The following CDK5RAP1 variants were observed in gnomAD, a reference collection of about 807,000 sequenced individuals.
CDK5RAP1 encodes CDK5RAP1 mitochondrial tRNA methylthiotransferase.
A neutral mutation model predicts 64.5 loss-of-function variants in CDK5RAP1; 62 were observed. The observed-to-expected ratio is 0.96, with a 90% CI of 0.78 to 1.19. The LOEUF (loss-of-function observed/expected upper bound fraction) is 1.19. Among genes scored for constraint, CDK5RAP1 ranks in the 50% most tolerant of loss-of-function variants. CDK5RAP1 has a pLI of 0.00. For missense variants in CDK5RAP1, 657 were observed against 735.0 expected, an observed-to-expected ratio of 0.89 and a Z score of 1.23; for synonymous variants, 250 against 261.9, an observed-to-expected ratio of 0.95 and a Z score of 0.44.
At chr20:33,401,337 A>G in intron 1 of CDK5RAP1, 91 bp downstream of exon 1, 2 of 928,364 alleles carry the variant, frequency 2.2e-6, no homozygotes, top group Non-Finnish European at 2.6e-6. Context: ...CCTCTTGAAC[A>G]CCGTGCGCTT....
intron 12 of CDK5RAP1, among the ~76,000 whole-genome samples, chr20:33,361,399 T>C (rs1414101094): frequency 2.6e-5 from 4 of 152,226 alleles, no homozygotes; most frequent in African/African-American, 9.6e-5. Context: ...GAGTCTTCAC[T>C]GAACACTAAC....
chr20:33,389,481 C>T (rs927004157), intron 5 of CDK5RAP1, among the ~76,000 whole-genome samples: 3 of 151,734 alleles, frequency 2.0e-5, no homozygotes, highest in Non-Finnish European at 2.9e-5. Flanking sequence ...CCGCCCCGTC[C>T]GGGAGGGAGG....
At position 33,395,123 on chromosome 20, in the gene CDK5RAP1, TGA is replaced by T; in HGVS notation, c.305-9_305-8del. 6.4e-7 allele frequency: 1 copy of T among 1,561,830 alleles called. No homozygotes were observed. Among genetic ancestry groups the T allele is most frequent in the East Asian group, 2.2e-5 (1 of 44,640 alleles). ...CCATAGGTCTCGAGGTAGACTGCAG[TGA>T]GAGGTTGGGGGGAATCCATGGTAGA... On this transcript the variant is annotated splice_region_variant and splice_polypyrimidine_tract_variant and intron_variant, in intron 2 of 13. Transcript: ENST00000346416.
At position 33,370,364 on chromosome 20, in the gene CDK5RAP1, C is replaced by T. The variant is rs17124657; in HGVS notation, c.1392+135G>A. ...AGACAGAGTGTACTAGAAAAATGAA[C>T]GGAAGTGAATCGTAAGAGCCTGTGG... On this transcript the variant is annotated intron_variant, in intron 11 of 13. Coordinates refer to ENST00000346416, the MANE Select transcript of CDK5RAP1 (RefSeq NM_016408.4). The T allele has an allele frequency of 0.011, 9,338 of 821,234 alleles. 643 individuals are homozygous for T. In the African/African-American group the frequency reaches 0.14, roughly 13 times the overall value. 50.9% of individuals were successfully genotyped at this position (821,234 alleles called of 1,614,324 possible).
chr20:33,384,154 A>G (rs1404719595), intron 7 of CDK5RAP1, among the ~76,000 whole-genome samples: 1 of 152,202 alleles, frequency 6.6e-6, no homozygotes, highest in Non-Finnish European at 1.5e-5. Context: ...ACTGTAGTCT[A>G]AAAAATCTAA....
intron 11 of CDK5RAP1, among the ~76,000 whole-genome samples, chr20:33,369,006 G>A (rs1412050571): frequency 6.6e-6 from 1 of 151,916 alleles, no homozygotes; most frequent in Admixed American, 6.6e-5. Flanking sequence ...CAGGTGTGGT[G>A]GCACGCACCA....
At chr20:33,394,922 C>T in intron 3 of CDK5RAP1, 91 bp downstream of exon 3, 1 of 775,198 alleles carries the variant, frequency 1.3e-6, no homozygotes, top group Non-Finnish European at 2.3e-6. Flanking sequence ...CACCAGGGGG[C>T]ACCCTGCTCC....
At chr20:33,385,936 A>G (rs1191989975) in intron 6 of CDK5RAP1, among the ~76,000 whole-genome samples, 166 bp from the exon 7 acceptor site, 2 of 152,242 alleles carry the variant, frequency 1.3e-5, no homozygotes, top group African/African-American at 4.8e-5. Flanking sequence ...GACCTTTTTT[A>G]TCTTTAAAAA....
At position 33,397,040 on chromosome 20, in the gene CDK5RAP1, G is replaced by T; in HGVS notation, c.25C>A (p.Gln9Lys). Residue 9 changes from glutamine to lysine, a missense_variant, in exon 2 of 14, where the codon CAA (glutamine) becomes AAA (lysine). Gln to Lys is a moderately conservative substitution (Grantham distance 53). Coordinates refer to ENST00000346416, the MANE Select transcript of CDK5RAP1 (RefSeq NM_016408.4). Reference protein sequence around the residue: MHPLQCVLQVQRSLGWGPL... With the variant: MHPLQCVLKVQRSLGWGPL... ...CCCCACCCCAGAGACCTCTGCACTT[G>T]GAGGACACACTGTAAAGGGTGCATG... is the stretch of plus-strand genomic sequence containing the variant. The T allele has an allele frequency of 6.2e-7, 1 of 1,612,730 alleles. No individual in the cohort carries two copies. Among genetic ancestry groups the T allele is most frequent in the Non-Finnish European group, 8.5e-7 (1 of 1,179,418 alleles).
chr20:33,374,025 C>G (rs1985546870), intron 9 of CDK5RAP1, 90 bp downstream of exon 9: 8 of 871,026 alleles, frequency 9.2e-6, no homozygotes, highest in Non-Finnish European at 1.5e-5. Flanking sequence ...GTGCCACACA[C>G]TATGCTAGGT....
chr20:33,387,272 AG>A, intron 6 of CDK5RAP1, 50 bp downstream of exon 6: 1 of 1,364,692 alleles, frequency 7.3e-7, no homozygotes, highest in Non-Finnish European at 1.0e-6. Context: ...AAAAAAAAAA[AG>A]TGTGAAAGGA....
In CDK5RAP1 at chr20:33,396,834, C is replaced by T. The variant is rs1177942098; in HGVS notation, c.231G>A (p.Glu77=). 6.2e-7 allele frequency: 1 copy of T among 1,614,092 alleles called. No homozygotes were observed. Among genetic ancestry groups the T allele is most frequent in the Admixed American group, 1.7e-5 (1 of 60,014 alleles). Residue 77 remains glutamate, a synonymous_variant, in exon 2 of 14, where the codon GAG becomes GAA. Coordinates refer to ENST00000346416, the MANE Select transcript of CDK5RAP1 (RefSeq NM_016408.4). ...GGTCTTCCACTTCTGAAGACAGCTT[C>T]TCCTGAGGAGCTGAGGCACTTTTTA... ...HFLKSASAPQ[E]KLSSEVEDPP...
In CDK5RAP1 at chr20:33,394,030, A is replaced by G; in HGVS notation, c.443+2T>C. On this transcript the variant is annotated splice_donor_variant, in intron 4 of 13. Coordinates refer to ENST00000346416, the MANE Select transcript of CDK5RAP1 (RefSeq NM_016408.4). LOFTEE classifies it high-confidence loss of function. ...ACTCCTAGGAAAAGAACAAATTCGC[A>G]CCTGATAGAGCATGTGACAAGGAGA... The G allele has an allele frequency of 6.3e-7, 1 of 1,592,158 alleles. No individual in the cohort carries two copies. The highest frequency in any genetic ancestry group is 8.6e-7 in the Non-Finnish European group (1 of 1,159,858).
chr20:33,372,711 CA>C lies in CDK5RAP1; in HGVS notation c.1206-15del. On this transcript the variant is annotated splice_polypyrimidine_tract_variant and intron_variant, in intron 9 of 13. Coordinates refer to ENST00000346416, the MANE Select transcript of CDK5RAP1 (RefSeq NM_016408.4). Reference sequence around the variant, plus strand: ...TCTCTTGAATATCTGCAATAAAGAACAAAAGGAAAAGGCCTACATAAATCCA... The same window carrying C: ...TCTCTTGAATATCTGCAATAAAGAACAAAGGAAAAGGCCTACATAAATCCA... 1 of 1,572,350 alleles carries C rather than the reference CA, an allele frequency of 6.4e-7. No homozygotes were observed. The highest frequency in any genetic ancestry group is 8.7e-7 in the Non-Finnish European group (1 of 1,152,182).
Position 33,366,895 on chromosome 20 carries a change from G to A in CDK5RAP1, c.1506C>T (p.Thr502=), listed in dbSNP as rs1459459758. ...GCACCAACTGGGTACAGCCCACAGA[G>A]GTCTGATTGGCTTTTGTTGCTTCTT... ...FREEATKANQ[T]SVGCTQLVLV... The change falls in exon 12 of 14, where the codon ACC becomes ACT. Residue 502 remains threonine, a synonymous_variant. Coordinates refer to ENST00000346416, the MANE Select transcript of CDK5RAP1 (RefSeq NM_016408.4). The A allele has an allele frequency of 6.2e-7, 1 of 1,614,034 alleles. No homozygotes were observed.
chr20:33,386,841 T>A (rs554355497), intron 6 of CDK5RAP1, among the ~76,000 whole-genome samples: 3 of 150,790 alleles, frequency 2.0e-5, no homozygotes, highest in Non-Finnish European at 2.9e-5. Context: ...CTGTCCCAAG[T>A]ATTTAACCTT....
chr20:33,359,694 T>G (rs1180301727), intron 13 of CDK5RAP1: 1 of 156,108 alleles, frequency 6.4e-6, no homozygotes, highest in East Asian at 1.9e-4. Context: ...TCCCTGCCCT[T>G]AAAGGAACTT....
chr20:33,391,824 GA>G (rs959517133), intron 5 of CDK5RAP1, among the ~76,000 whole-genome samples: 94 of 138,380 alleles, frequency 6.8e-4, no homozygotes, highest in Middle Eastern at 3.7e-3. Context: ...CCATCTCAAA[GA>G]AAAAAAAAAA....
rs150972101 is a variant in CDK5RAP1, at chr20:33,386,035, T to C, written c.756-265A>G. The stretch of plus-strand genomic sequence containing the variant: ...AGCACAGCGGTGAGGAGCTAGAATA[T>C]ACACTTACCACACTTGGACTTTCTA... On this transcript the variant is annotated intron_variant, in intron 6 of 13. Transcript: ENST00000346416. 2.0e-5 allele frequency among the ~76,000 whole-genome samples: 3 copies of C among 152,326 alleles called. No homozygotes were observed. The East Asian group carries it at 5.8e-4, about 29-fold the overall frequency.
Sources: allele counts gnomAD v4.1 joint callset (sites outside exome capture counted in the v4.1 genomes callset), GRCh38; gene constraint gnomAD v4.1.1; transcripts MANE v1.5; gene names NCBI Gene and HGNC (gene_info 2026-07-23, HGNC 2026-07-21).